Variants in BCL7B observed in about 807,000 individuals in gnomAD.
BCL7B encodes the protein B-cell CLL/lymphoma 7 protein family member B.
In BCL7B, 11 loss-of-function variants were observed where a neutral mutation model predicts 26.5. The observed-to-expected ratio is 0.42, with a 90% CI of 0.26 to 0.69. The LOEUF (loss-of-function observed/expected upper bound fraction) is 0.69. Ranked by LOEUF, BCL7B falls within the 30% of genes least tolerant of loss-of-function variation. The pLI is 0.28. For missense variants in BCL7B, 215 were observed against 264.4 expected (o/e 0.81, Z 1.30); for synonymous variants, 111 against 107.9 (o/e 1.03, Z -0.18).
chr7:73,550,539 G>A (rs782559667), intron 2 of BCL7B, among the ~76,000 whole-genome samples: 66 of 150,664 alleles, frequency 4.4e-4, no homozygotes, highest in Non-Finnish European at 7.9e-4. Context: ...GCGAGAGTCC[G>A]TCTCAAAAAA....
At chr7:73,537,901 C>CAA in intron 5 of BCL7B, 33 bp downstream of exon 5, 1 of 1,532,560 alleles carries the variant, frequency 6.5e-7, no homozygotes, top group South Asian at 1.2e-5. Context: ...ACCAAAAAAA[C>CAA]AAAAAACTGG....
At chr7:73,545,338 G>A (rs576402920) in intron 2 of BCL7B, among the ~76,000 whole-genome samples, 8 of 151,944 alleles carry the variant, frequency 5.3e-5, no homozygotes, top group South Asian at 2.1e-4. Context: ...TCAGCCTCCC[G>A]AGTAGCTGGG....
At chr7:73,545,843 GA>G (rs1172449327) in intron 2 of BCL7B, among the ~76,000 whole-genome samples, 6 of 152,028 alleles carry the variant, frequency 3.9e-5, no homozygotes, top group African/African-American at 1.2e-4. Flanking sequence ...TTACAGAAAG[GA>G]AAACTGGCCG....
intron 1 of BCL7B, 34 bp from the exon 2 acceptor site, chr7:73,552,276 C>A: frequency 6.5e-7 from 1 of 1,532,908 alleles, no homozygotes; most frequent in Non-Finnish European, 9.0e-7. Context: ...ACGGATAAAA[C>A]AATGCAATGT....
intron 1 of BCL7B, 91 bp downstream of exon 1, chr7:73,557,396 G>A (rs1362546940): frequency 7.0e-5 from 83 of 1,183,948 alleles, no homozygotes; most frequent in Non-Finnish European, 8.7e-5. Context: ...CCCAGCGCCG[G>A]CCGGTCGGCT....
At chr7:73,556,067 GGGA>G (rs1792349855) in intron 1 of BCL7B, among the ~76,000 whole-genome samples, 1 of 152,196 alleles carries the variant, frequency 6.6e-6, no homozygotes, top group South Asian at 2.1e-4. Context: ...GTCAAAAATG[GGGA>G]GAAGAGAAAG....
At chr7:73,546,999 A>T (rs1190270092) in intron 2 of BCL7B, among the ~76,000 whole-genome samples, 1 of 151,670 alleles carries the variant, frequency 6.6e-6, no homozygotes, top group Admixed American at 6.6e-5. Flanking sequence ...CCCCATCTCT[A>T]CTAAAAATAC....
intron 2 of BCL7B, among the ~76,000 whole-genome samples, chr7:73,550,716 G>A (rs1202493127): frequency 1.3e-5 from 2 of 151,110 alleles, no homozygotes; most frequent in Non-Finnish European, 2.9e-5. Context: ...GGAGTGCAGT[G>A]GTGCGATCTC....
Position 73,537,346 on chromosome 7 carries a change from G to C in BCL7B, c.561C>G (p.Arg187=). 1 of 1,614,174 alleles carries C rather than the reference G, an allele frequency of 6.2e-7. No individual in the cohort carries two copies. The highest frequency in any genetic ancestry group is 8.5e-7 in the Non-Finnish European group (1 of 1,180,026). The change falls in exon 6 of 6, where the codon CGC becomes CGG. Residue 187 remains arginine, a synonymous_variant. Transcript: ENST00000223368. ...GCACTGTGGGTTGGTCCACACAGAA[G>C]CGCTTCAGGGGCGGGGCACCTGAGT... is the stretch of plus-strand genomic sequence containing the variant. ...EEDSGAPPLK[R]FCVDQPTVPQ... is the part of the protein sequence containing the mutation.
At chr7:73,544,191 C>T (rs1397291268) in intron 2 of BCL7B, among the ~76,000 whole-genome samples, 2 of 152,016 alleles carry the variant, frequency 1.3e-5, no homozygotes, top group African/African-American at 2.4e-5. Context: ...GAGGCCAAGA[C>T]GCATGGATCA....
rs17145723 is a variant in BCL7B, at chr7:73,540,493, T to C, written c.266-441A>G. 7.9e-3 allele frequency: 1,339 copies of C among 169,964 alleles called. 20 individuals carry two copies. Among genetic ancestry groups the C allele is most frequent in the African/African-American group, 0.031 (1,302 of 42,446 alleles). 10.5% of individuals were successfully genotyped at this position (169,964 alleles called of 1,614,324 possible). A position where few individuals can be genotyped will look rare whatever the true frequency, so the allele number is the denominator to read the frequency against. ...CTGACGGATTAGCACCTGGGAGTTC[T>C]GCCTGAAGGCTTAAAGTCACCATCA... On this transcript the variant is annotated intron_variant, in intron 3 of 5. Coordinates refer to ENST00000223368, the MANE Select transcript of BCL7B (RefSeq NM_001707.4).
At position 73,537,325 on chromosome 7, in the gene BCL7B, T is replaced by C. The variant is rs782736225; in HGVS notation, c.582A>G (p.Thr194=). The C allele has an allele frequency of 2.5e-6, 4 of 1,614,144 alleles. No individual in the cohort carries two copies. Among genetic ancestry groups the C allele is most frequent in the Non-Finnish European group, 1.7e-6 (2 of 1,180,016 alleles). Residue 194 remains threonine, a synonymous_variant, in exon 6 of 6, where the codon ACA becomes ACG. Transcript: ENST00000223368. ...PLKRFCVDQP[T]VPQTASES is the part of the protein sequence containing the mutation. ...AGCTTTCTGACGCCGTCTGCGGCAC[T>C]GTGGGTTGGTCCACACAGAAGCGCT...
intron 4 of BCL7B, among the ~76,000 whole-genome samples, chr7:73,538,923 A>G (rs993912136): frequency 1.3e-5 from 2 of 152,088 alleles, no homozygotes; most frequent in Non-Finnish European, 2.9e-5. Context: ...TCCAACAGTT[A>G]CTAGACTGGC....
intron 2 of BCL7B, among the ~76,000 whole-genome samples, chr7:73,550,035 A>G (rs1792098902): frequency 6.6e-6 from 1 of 152,158 alleles, no homozygotes; most frequent in Non-Finnish European, 1.5e-5. Context: ...CTTTATATTT[A>G]TTCATACACT....
chr7:73,551,160 C>T (rs2115808675), intron 2 of BCL7B, among the ~76,000 whole-genome samples: 1 of 152,338 alleles, frequency 6.6e-6, no homozygotes, highest in East Asian at 1.9e-4. Context: ...CAAACTTTTT[C>T]TTAAAGGGTC....
chr7:73,549,488 C>T (rs1160834691), intron 2 of BCL7B, among the ~76,000 whole-genome samples: 3 of 152,052 alleles, frequency 2.0e-5, no homozygotes, highest in Non-Finnish European at 2.9e-5. Context: ...CCAGCCTGGG[C>T]AACAATGAGA....
chr7:73,556,594 C>T (rs561884236), intron 1 of BCL7B, among the ~76,000 whole-genome samples: 69 of 152,210 alleles, frequency 4.5e-4, no homozygotes, highest in African/African-American at 1.6e-3. Context: ...ATCGGAGTTC[C>T]GGATACTAAA....
rs1583983564 is a variant in BCL7B at position 73,537,859 on chromosome 7, C to G, written c.516+75G>C. 14 of 1,101,986 alleles carry G rather than the reference C, an allele frequency of 1.3e-5. No individual in the cohort carries two copies. In the East Asian group the frequency reaches 3.6e-4, roughly 28 times the overall value. The allele number at this position is 1,101,986 out of a possible 1,614,324, so 68.3% of individuals were successfully genotyped here. A position where few individuals can be genotyped will look rare whatever the true frequency, so the allele number is the denominator to read the frequency against. ...TGAGCCAGGATCGCACCACTGCACT[C>G]TAGTCTGGGCAACAGCGAGACCCTG... On this transcript the variant is annotated intron_variant, in intron 5 of 5. Coordinates refer to ENST00000223368, the MANE Select transcript of BCL7B (RefSeq NM_001707.4).
At position 73,537,470 on chromosome 7, in the gene BCL7B, T is replaced by C. The variant is rs915826794; in HGVS notation, c.517-80A>G. Reference sequence around the variant, plus strand: ...CCCACCCACCCGAATTATAATGGGATGTCCACTCTGCTCCTTCCAGCAGAT... The same window carrying C: ...CCCACCCACCCGAATTATAATGGGACGTCCACTCTGCTCCTTCCAGCAGAT... On this transcript the variant is annotated intron_variant, in intron 5 of 5. Coordinates refer to ENST00000223368, the MANE Select transcript of BCL7B (RefSeq NM_001707.4). 2.9e-6 allele frequency: 3 copies of C among 1,031,558 alleles called. No individual in the cohort carries two copies. In the African/African-American group the frequency reaches 4.7e-5, roughly 16 times the overall value. The allele number at this position is 1,031,558 out of a possible 1,614,324, so 63.9% of individuals were successfully genotyped here.
Sources: allele counts gnomAD v4.1 joint callset (sites outside exome capture counted in the v4.1 genomes callset), GRCh38; gene constraint gnomAD v4.1.1; transcripts MANE v1.5; gene names NCBI Gene and HGNC (gene_info 2026-07-23, HGNC 2026-07-21).